The following ODAM variants were observed in gnomAD, a reference collection of about 807,000 sequenced individuals.
ODAM encodes the protein odontogenic ameloblast-associated protein.
A neutral mutation model predicts 48.5 loss-of-function variants in ODAM; 55 were observed. The ratio of observed to expected loss-of-function variants is 1.13; its 90% CI spans 0.91 to 1.42. The LOEUF is 1.42. ODAM is among the 40% of genes most tolerant of loss of function. The pLI is 0.00. For synonymous variants in ODAM, 127 were observed against 107.8 expected (o/e 1.18, Z -1.10); for missense variants, 353 against 323.6 (o/e 1.09, Z -0.70).
intron 6 of ODAM, among the ~76,000 whole-genome samples, chr4:70,199,364 T>G (rs1205148631): frequency 1.3e-5 from 2 of 151,970 alleles, no homozygotes; most frequent in Non-Finnish European, 2.9e-5. Context: ...CTAAATAACT[T>G]TGTCCCACAT....
rs1372414552 is a variant in ODAM, at chr4:70,196,575, G to A, written c.32G>A (p.Gly11Glu). 4 of 1,596,360 alleles carry A rather than the reference G, an allele frequency of 2.5e-6. No homozygotes were observed. In the Admixed American group the frequency reaches 6.7e-5, roughly 27 times the overall value. ...ATTATAATTCTTCTTGGATTCCTGG[G>A]AGCCACATTGTCAGCCCCAGTAAGT... MKIIILLGFL[G>E]ATLSAPLIPQ... The change falls in exon 2 of 12, where the codon GGA becomes GAA. Residue 11 changes from glycine to glutamate, a missense_variant. Gly to Glu is a moderately conservative substitution (Grantham distance 98). Coordinates refer to ENST00000683306, the MANE Select transcript of ODAM (RefSeq NM_017855.4).
At chr4:70,199,772 G>A (rs886786088) in intron 6 of ODAM, among the ~76,000 whole-genome samples, 2 of 151,916 alleles carry the variant, frequency 1.3e-5, no homozygotes, top group African/African-American at 4.8e-5. Context: ...TAATCCTCCT[G>A]AAACCCTAGT....
At chr4:70,203,125 C>A (rs750249870) in intron 10 of ODAM, 31 bp from the exon 11 acceptor site, 15 of 1,545,782 alleles carry the variant, frequency 9.7e-6, no homozygotes, top group Non-Finnish European at 1.3e-5. Flanking sequence ...AATTTAATAA[C>A]AGTTTCTTAT....
intron 11 of ODAM, among the ~76,000 whole-genome samples, chr4:70,203,452 A>G (rs1350083813): frequency 6.6e-6 from 1 of 151,958 alleles, no homozygotes; most frequent in African/African-American, 2.4e-5. Flanking sequence ...GAAAACACAA[A>G]TACTAGATAT....
At chr4:70,203,553 A>G (rs1375203039) in intron 11 of ODAM, among the ~76,000 whole-genome samples, 1 of 151,944 alleles carries the variant, frequency 6.6e-6, no homozygotes, top group Non-Finnish European at 1.5e-5. Flanking sequence ...AAACATTGTA[A>G]TAATTCCAAT....
intron 5 of ODAM, 28 bp from the exon 6 acceptor site, chr4:70,198,551 A>G (rs768562418): frequency 6.4e-7 from 1 of 1,553,114 alleles, no homozygotes; most frequent in Non-Finnish European, 8.7e-7. Flanking sequence ...TCAAGCATAC[A>G]TTTTTATATA....
At chr4:70,199,716 T>C (rs1025693054) in intron 6 of ODAM, among the ~76,000 whole-genome samples, 2 of 152,040 alleles carry the variant, frequency 1.3e-5, no homozygotes, top group Non-Finnish European at 2.9e-5. Context: ...AATGCTCAAA[T>C]GTGAGTTTGA....
chr4:70,201,484 C>A lies in ODAM; in HGVS notation c.559C>A (p.Pro187Thr). ...IPFYAQFGYI[P>T]QLAEPAISGG... is the part of the protein sequence containing the mutation. ...ATTCTATGCTCAATTTGGATACATT[C>A]CACAACTAGCAGAACCTGTAAGTAA... Residue 187 changes from proline to threonine, a missense_variant, in exon 8 of 12, where the codon CCA (proline) becomes ACA (threonine). Physicochemically the swap from Pro to Thr is conservative, Grantham distance 38. Coordinates refer to ENST00000683306, the MANE Select transcript of ODAM (RefSeq NM_017855.4). The A allele has an allele frequency of 6.6e-7, 1 of 1,514,762 alleles. No homozygotes were observed. The highest frequency in any genetic ancestry group is 9.1e-7 in the Non-Finnish European group (1 of 1,095,996). 93.8% of individuals were successfully genotyped at this position (1,514,762 alleles called of 1,614,324 possible). A position where few individuals can be genotyped will look rare whatever the true frequency, so the allele number is the denominator to read the frequency against.
chr4:70,202,972 A>G (rs913287603), intron 10 of ODAM, 55 bp downstream of exon 10: 1 of 1,515,930 alleles, frequency 6.6e-7, no homozygotes, highest in African/African-American at 1.4e-5. Flanking sequence ...GAAAAAATAC[A>G]GTGATAAAAT....
At chr4:70,201,556 T>C in intron 8 of ODAM, 55 bp downstream of exon 8, 1 of 935,032 alleles carries the variant, frequency 1.1e-6, no homozygotes, top group Non-Finnish European at 1.7e-6. Flanking sequence ...TCCTTCATTG[T>C]CTACTAAATC....
At position 70,200,504 on chromosome 4, in the gene ODAM, A is replaced by G. The variant is rs769082959; in HGVS notation, c.431A>G (p.Gln144Arg). 7 of 1,589,508 alleles carry G rather than the reference A, an allele frequency of 4.4e-6. No homozygotes were observed. In the East Asian group the frequency reaches 1.6e-4, roughly 36 times the overall value. Residue 144 changes from glutamine (Q) to arginine (R), a missense_variant, in exon 7 of 12, where the codon CAA (glutamine) becomes CGA (arginine). Coordinates refer to ENST00000683306, the MANE Select transcript of ODAM (RefSeq NM_017855.4). ...KMPQEQGQMF[Q>R]YYPVYMVLPW... is the part of the protein sequence containing the mutation. ...TTCTCTTTTTACAAGTAGATGTTTC[A>G]ATACTATCCAGTTTACATGGTCCTA... is the stretch of plus-strand genomic sequence containing the variant.
chr4:70,198,442 T>A (rs1260982607), intron 5 of ODAM, 137 bp from the exon 6 acceptor site: 5 of 702,114 alleles, frequency 7.1e-6, no homozygotes, highest in Non-Finnish European at 1.2e-5. Flanking sequence ...TCAGCACATG[T>A]AACGGATGAC....
chr4:70,197,221 T>C lies in ODAM; in HGVS notation c.94-53T>C, dbSNP rs1002112884. On this transcript the variant is annotated intron_variant, in intron 3 of 11. Coordinates refer to ENST00000683306, the MANE Select transcript of ODAM (RefSeq NM_017855.4). ...CTATATTTGCAGTAAACATTGTTCC[T>C]ACTCATTTTAGTGTGTAGTAATCTT... 7.1e-6 allele frequency: 6 copies of C among 840,688 alleles called. No homozygotes were observed. The South Asian group carries it at 8.4e-5, about 12-fold the overall frequency. The allele number at this position is 840,688 out of a possible 1,614,324, so 52.1% of individuals were successfully genotyped here.
At chr4:70,198,719 A>G (rs1729434561) in intron 6 of ODAM, 93 bp downstream of exon 6, 1 of 933,090 alleles carries the variant, frequency 1.1e-6, no homozygotes, top group East Asian at 2.5e-5. Flanking sequence ...TAGCAGGGCT[A>G]TAAAAACCTA....
chr4:70,202,992 A>C, intron 10 of ODAM, 75 bp downstream of exon 10: 1 of 1,428,278 alleles, frequency 7.0e-7, no homozygotes, highest in Non-Finnish European at 9.7e-7. Context: ...TTAGTGCTTT[A>C]ATTTATAGGA....
Position 70,202,793 on chromosome 4 carries a change from C to T in ODAM, c.686C>T (p.Ala229Val), listed in dbSNP as rs761833022. The change falls in exon 10 of 12, where the codon GCG becomes GTG. Residue 229 changes from alanine (A) to valine (V), a missense_variant. Coordinates refer to ENST00000683306, the MANE Select transcript of ODAM (RefSeq NM_017855.4). ...GEEIPYLQKEAINFRHDSAGV... is the reference protein window; with the variant it reads ...GEEIPYLQKEVINFRHDSAGV... ...GAGATACCATATTTACAAAAAGAAGCGATCAACTTTAGACATGACAGTGCA... is the reference window on the plus strand; with the variant it reads ...GAGATACCATATTTACAAAAAGAAGTGATCAACTTTAGACATGACAGTGCA... The T allele has an allele frequency of 9.9e-6, 16 of 1,610,748 alleles. No individual in the cohort carries two copies. The highest frequency in any genetic ancestry group is 8.0e-5 in the African/African-American group (6 of 74,712).
At chr4:70,203,717 T>C (rs1184701509) in intron 11 of ODAM, among the ~76,000 whole-genome samples, 1 of 151,902 alleles carries the variant, frequency 6.6e-6, no homozygotes, top group Non-Finnish European at 1.5e-5. Flanking sequence ...GAGGCCACAA[T>C]AGGAGTTTGA....
In ODAM at chr4:70,197,280, C is replaced by T. The variant is rs757672061; in HGVS notation, c.100C>T (p.Leu34Phe). ...ATTATTTTTCTTTTTCTAGTTACTTCTTAATCTTAATAATGGTCAACTTTT... is the reference window on the plus strand; with the variant it reads ...ATTATTTTTCTTTTTCTAGTTACTTTTTAATCTTAATAATGGTCAACTTTT... ...MSASNSNELL[L>F]NLNNGQLLPL... The change falls in exon 4 of 12, where the codon CTT becomes TTT. Residue 34 changes from leucine (L) to phenylalanine (F), a missense_variant. Physicochemically the swap from Leu to Phe is conservative, Grantham distance 22. Transcript: ENST00000683306. The T allele has an allele frequency of 7.2e-7, 1 of 1,389,794 alleles. No homozygotes were observed. The highest frequency in any genetic ancestry group is 1.4e-5 in the African/African-American group (1 of 70,122). The allele number at this position is 1,389,794 out of a possible 1,614,324, so 86.1% of individuals were successfully genotyped here.
chr4:70,198,292 C>T, intron 5 of ODAM, 135 bp downstream of exon 5: 2 of 742,354 alleles, frequency 2.7e-6, no homozygotes, highest in Non-Finnish European at 2.1e-6. Flanking sequence ...TCTACCATCG[C>T]TGTAAGTTCT....
Sources: gnomAD v4.1 joint callset for allele counts (sites outside exome capture counted in the v4.1 genomes callset) on GRCh38, gnomAD v4.1.1 for gene constraint, MANE v1.5 for transcripts, NCBI Gene and HGNC (gene_info 2026-07-23, HGNC 2026-07-21) for gene names.